Variants in DAPP1 observed in about 807,000 individuals in gnomAD.
DAPP1 encodes dual adapter for phosphotyrosine and 3-phosphotyrosine and 3-phosphoinositide.
A neutral mutation model predicts 41.5 loss-of-function variants in DAPP1; 20 were observed. That is an observed-to-expected ratio of 0.48 (90% confidence interval 0.34 to 0.70). DAPP1 has a LOEUF of 0.70. Ranked by LOEUF, DAPP1 falls within the 30% of genes least tolerant of loss-of-function variation. The pLI is 0.01. For missense variants in DAPP1, 233 were observed against 333.4 expected, an observed-to-expected ratio of 0.70 and a Z score of 2.35; for synonymous variants, 113 against 116.2, an observed-to-expected ratio of 0.97 and a Z score of 0.18.
chr4:99,854,854 G>C (rs1461006839), intron 4 of DAPP1, among the ~76,000 whole-genome samples: 2 of 152,106 alleles, frequency 1.3e-5, no homozygotes, highest in Admixed American at 1.3e-4. Flanking sequence ...CATGCTGTGG[G>C]CTAATTACCT....
At chr4:99,834,121 C>T (rs1236057727) in intron 1 of DAPP1, among the ~76,000 whole-genome samples, 5 of 152,024 alleles carry the variant, frequency 3.3e-5, no homozygotes, top group East Asian at 1.9e-4. Context: ...TCTATGACAT[C>T]GTTTAAAAGA....
At chr4:99,866,214 C>T (rs574635501) in intron 8 of DAPP1, 93 bp downstream of exon 8, 2 of 725,406 alleles carry the variant, frequency 2.8e-6, no homozygotes, top group South Asian at 1.7e-5. Context: ...AGACTAGACC[C>T]AAGAATCAAA....
chr4:99,865,914 TATATA>T (rs1724413024), intron 7 of DAPP1, 115 bp from the exon 8 acceptor site: 1 of 76,484 alleles, frequency 1.3e-5, no homozygotes, highest in South Asian at 3.2e-4. Context: ...TATATATATA[TATATA>T]TATATAATAT....
chr4:99,837,250 C>A (rs762346453), intron 2 of DAPP1, among the ~76,000 whole-genome samples: 2 of 152,200 alleles, frequency 1.3e-5, no homozygotes, highest in Non-Finnish European at 2.9e-5. Context: ...TTCCCAGTAG[C>A]ATGTAGACTA....
downstream of DAPP1, among the ~76,000 whole-genome samples, chr4:99,871,644 A>G (rs1197425704): frequency 6.6e-6 from 1 of 152,232 alleles, no homozygotes; most frequent in Non-Finnish European, 1.5e-5. Flanking sequence ...TCTGTGGACC[A>G]CGTTGTGAGT....
intron 1 of DAPP1, among the ~76,000 whole-genome samples, chr4:99,831,144 T>C (rs775684800): frequency 2.0e-5 from 3 of 152,232 alleles, no homozygotes; most frequent in African/African-American, 4.8e-5. Context: ...ATATTTTTGT[T>C]GTTGATATTT....
chr4:99,853,631 G>T (rs1343397548), intron 4 of DAPP1, among the ~76,000 whole-genome samples: 1 of 152,102 alleles, frequency 6.6e-6, no homozygotes, highest in Non-Finnish European at 1.5e-5. Flanking sequence ...AGACCAGCCT[G>T]GGCAACATAA....
chr4:99,854,897 A>G (rs1723992679), intron 4 of DAPP1, among the ~76,000 whole-genome samples: 1 of 152,220 alleles, frequency 6.6e-6, no homozygotes, highest in South Asian at 2.1e-4. Context: ...CCAGCCAGAA[A>G]CATCTAAGTA....
intron 2 of DAPP1, among the ~76,000 whole-genome samples, chr4:99,836,888 G>C (rs565855707): frequency 6.6e-6 from 1 of 152,282 alleles, no homozygotes; most frequent in South Asian, 2.1e-4. Flanking sequence ...CTCTGATCTG[G>C]TATTTAGTGT....
chr4:99,868,081 TC>T (rs1382951096), intron 8 of DAPP1, 35 bp from the exon 9 acceptor site: 2 of 1,564,340 alleles, frequency 1.3e-6, no homozygotes, highest in Non-Finnish European at 1.8e-6. Flanking sequence ...TTACAATCAC[TC>T]AATAATGGAT....
At chr4:99,820,911 T>C (rs758298153) in intron 1 of DAPP1, among the ~76,000 whole-genome samples, 1 of 152,232 alleles carries the variant, frequency 6.6e-6, no homozygotes, top group Non-Finnish European at 1.5e-5. Flanking sequence ...CATTCTTGGC[T>C]CCCAGTCCAT....
At chr4:99,860,924 T>G (rs1399453498) in intron 4 of DAPP1, among the ~76,000 whole-genome samples, 1 of 152,224 alleles carries the variant, frequency 6.6e-6, no homozygotes, top group African/African-American at 2.4e-5. Context: ...TGTGTGCTAT[T>G]ATTTTTACGT....
In DAPP1 at chr4:99,866,402, T is replaced by G. The variant is rs532350011; in HGVS notation, c.774+281T>G. On this transcript the variant is annotated intron_variant, in intron 8 of 8. Coordinates refer to ENST00000512369, the MANE Select transcript of DAPP1 (RefSeq NM_014395.3). ...ACTTCCTATAAGGTGTGTCAGTTAGTTCAGTTTTGTCTGGAGGGGGACATT... is the reference window on the plus strand; with the variant it reads ...ACTTCCTATAAGGTGTGTCAGTTAGGTCAGTTTTGTCTGGAGGGGGACATT... 9.3e-4 allele frequency among the ~76,000 whole-genome samples: 141 copies of G among 152,328 alleles called. 2 individuals are homozygous for G. In the Middle Eastern group the frequency reaches 0.01, roughly 11 times the overall value.
chr4:99,865,914 TATATATATATAATATATATA>T (rs1335776704), intron 7 of DAPP1, 100 bp from the exon 8 acceptor site: 2 of 76,484 alleles, frequency 2.6e-5, no homozygotes, highest in Admixed American at 2.9e-4. Flanking sequence ...TATATATATA[TATATATATATAATATATATA>T]ATATATTATA....
rs748817839 is a variant in DAPP1 at position 99,840,401 on chromosome 4, C to G, written c.337C>G (p.Pro113Ala). ...KDFVKHFANQ[P>A]LIGSETGTLM... ...TTTTGTCAAGCATTTTGCAAATCAG[C>G]CTTTGATTGGAAGCGAGACAGGTAA... Residue 113 changes from proline (P) to alanine (A), a missense_variant, in exon 3 of 9, where the codon CCT becomes GCT. Transcript: ENST00000512369. The G allele has an allele frequency of 1.9e-6, 3 of 1,611,138 alleles. No individual in the cohort carries two copies. Among genetic ancestry groups the G allele is most frequent in the African/African-American group, 1.3e-5 (1 of 74,870 alleles).
At chr4:99,839,349 A>G (rs1723412686) in intron 2 of DAPP1, among the ~76,000 whole-genome samples, 1 of 142,342 alleles carries the variant, frequency 7.0e-6, no homozygotes, top group African/African-American at 2.6e-5. Flanking sequence ...GGAGAGGCAG[A>G]TATATATATA....
chr4:99,850,308 G>C (rs985853983), intron 3 of DAPP1, among the ~76,000 whole-genome samples: 1 of 152,102 alleles, frequency 6.6e-6, no homozygotes, highest in Admixed American at 6.5e-5. Context: ...TACTTGGGAG[G>C]CAGAGGCAGG....
intron 6 of DAPP1, 101 bp from the exon 7 acceptor site, chr4:99,863,669 C>A: frequency 4.0e-6 from 3 of 751,824 alleles, no homozygotes; most frequent in Non-Finnish European, 6.5e-6. Context: ...ATGACAATTG[C>A]ACATAGTGGA....
chr4:99,862,918 A>G, intron 5 of DAPP1, 92 bp from the exon 6 acceptor site: 1 of 946,304 alleles, frequency 1.1e-6, no homozygotes, highest in South Asian at 1.9e-5. Flanking sequence ...GATACTTTTA[A>G]AATGAAAGTA....
Sources: allele counts gnomAD v4.1 joint callset (sites outside exome capture counted in the v4.1 genomes callset), GRCh38; gene constraint gnomAD v4.1.1; transcripts MANE v1.5; gene names NCBI Gene and HGNC (gene_info 2026-07-23, HGNC 2026-07-21).